UTRN: variants seen among roughly 807,000 people sequenced by gnomAD.
UTRN encodes dystrophin-related protein 1.
UTRN carries 283 observed loss-of-function variants against 463.9 expected under a neutral mutation model. That is an observed-to-expected ratio of 0.61 (90% CI 0.55 to 0.67). The LOEUF is 0.67. Among genes scored for constraint, UTRN ranks in the 30% least tolerant of loss-of-function variants. The pLI, the probability that UTRN is intolerant of heterozygous loss-of-function variation, is 0.00. For synonymous variants in UTRN, 1,442 were observed against 1,431.5 expected, an observed-to-expected ratio of 1.01 and a Z score of -0.17; for missense variants, 3,922 against 4,084.3, an observed-to-expected ratio of 0.96 and a Z score of 1.08.
chr6:144,832,280 A>G (rs941636966), intron 69 of UTRN, among the ~76,000 whole-genome samples: 10 of 152,214 alleles, frequency 6.6e-5, no homozygotes, highest in African/African-American at 2.4e-4. Context: ...CTAAAATTGT[A>G]TGTTTTATAT....
chr6:144,402,647 C>T (rs1783027931), intron 2 of UTRN, among the ~76,000 whole-genome samples: 1 of 152,166 alleles, frequency 6.6e-6, no homozygotes, highest in African/African-American at 2.4e-5. Context: ...AAACCTTATA[C>T]TGTCATTCTA....
chr6:144,641,748 T>TA (rs1585735314), intron 51 of UTRN, among the ~76,000 whole-genome samples: 1 of 152,188 alleles, frequency 6.6e-6, no homozygotes, highest in South Asian at 2.1e-4. Context: ...GAGTTTCTCT[T>TA]ACGTTTTTAG....
intron 66 of UTRN, among the ~76,000 whole-genome samples, chr6:144,822,686 G>A (rs1023580368): frequency 6.6e-6 from 1 of 152,034 alleles, no homozygotes; most frequent in South Asian, 2.1e-4. Context: ...TCCTTCAAAA[G>A]GTTGTGTGAT....
chr6:144,469,243 C>G (rs1459968865), intron 23 of UTRN, among the ~76,000 whole-genome samples: 1 of 152,222 alleles, frequency 6.6e-6, no homozygotes, highest in African/African-American at 2.4e-5. Context: ...CCTGGCTGTT[C>G]ATTCCTGTGG....
chr6:144,638,348 GA>G (rs1162471095), intron 51 of UTRN, among the ~76,000 whole-genome samples: 1 of 152,146 alleles, frequency 6.6e-6, no homozygotes. Context: ...TATTTAAATA[GA>G]AAAAATAGTT....
At chr6:144,523,313 A>T in intron 41 of UTRN, 125 bp downstream of exon 41, 1 of 781,650 alleles carries the variant, frequency 1.3e-6, no homozygotes, top group East Asian at 3.4e-5. Context: ...ATGCCCTATT[A>T]TTTTTTTTTC....
intron 13 of UTRN, 41 bp from the exon 14 acceptor site, chr6:144,444,240 T>C: frequency 6.6e-7 from 1 of 1,511,052 alleles, no homozygotes; most frequent in Non-Finnish European, 9.1e-7. Context: ...TAACTCTCTC[T>C]TAAGGCTGTG....
At chr6:144,399,295 T>A (rs1782727626) in intron 2 of UTRN, among the ~76,000 whole-genome samples, 1 of 152,174 alleles carries the variant, frequency 6.6e-6, no homozygotes, top group Non-Finnish European at 1.5e-5. Context: ...CAAGAGAGCA[T>A]AATGGCATAA....
chr6:144,438,432 G>T (rs1472173316), intron 11 of UTRN, among the ~76,000 whole-genome samples: 2 of 152,108 alleles, frequency 1.3e-5, no homozygotes, highest in Non-Finnish European at 2.9e-5. Flanking sequence ...CATGTATTGT[G>T]TCTTAAGGAG....
At chr6:144,570,011 A>T (rs568570255) in intron 50 of UTRN, among the ~76,000 whole-genome samples, 7 of 152,286 alleles carry the variant, frequency 4.6e-5, no homozygotes, top group African/African-American at 1.7e-4. Context: ...TCTAGTGGAG[A>T]CCCGTGTTGA....
chr6:144,642,136 G>A (rs908345699), intron 51 of UTRN, among the ~76,000 whole-genome samples: 2 of 152,160 alleles, frequency 1.3e-5, no homozygotes, highest in African/African-American at 2.4e-5. Context: ...CAAAAGCGTG[G>A]TCTGAACTTC....
chr6:144,303,455 T>G (rs1410274406), intron 2 of UTRN, among the ~76,000 whole-genome samples: 1 of 152,232 alleles, frequency 6.6e-6, no homozygotes. Context: ...TTCAACACTT[T>G]CGGTTATTAG....
At chr6:144,614,479 T>G (rs1266851395) in intron 51 of UTRN, among the ~76,000 whole-genome samples, 1 of 152,148 alleles carries the variant, frequency 6.6e-6, no homozygotes, top group Non-Finnish European at 1.5e-5. Context: ...TCAGCTCATC[T>G]TCCTAATTAA....
intron 35 of UTRN, among the ~76,000 whole-genome samples, chr6:144,513,415 T>C (rs1795345357): frequency 6.6e-6 from 1 of 151,994 alleles, no homozygotes; most frequent in Admixed American, 6.6e-5. Flanking sequence ...CTGGGTATGG[T>C]GGTGCAAGCC....
At chr6:144,665,739 G>GT (rs1406181536) in intron 51 of UTRN, among the ~76,000 whole-genome samples, 2 of 152,166 alleles carry the variant, frequency 1.3e-5, no homozygotes, top group African/African-American at 4.8e-5. Context: ...TGTTCTGAGG[G>GT]TTTGCATCTT....
intron 53 of UTRN, among the ~76,000 whole-genome samples, chr6:144,723,244 C>T (rs1787409230): frequency 6.6e-6 from 1 of 152,096 alleles, no homozygotes; most frequent in Non-Finnish European, 1.5e-5. Flanking sequence ...AGTTTTACAT[C>T]AAAAAATTAC....
chr6:144,419,125 A>G (rs1758109947), intron 3 of UTRN, among the ~76,000 whole-genome samples: 1 of 152,228 alleles, frequency 6.6e-6, no homozygotes, highest in South Asian at 2.1e-4. Flanking sequence ...AGACGTAGGC[A>G]GGTGACGAAG....
chr6:144,678,127 T>C (rs1781834219), intron 51 of UTRN, among the ~76,000 whole-genome samples: 1 of 152,100 alleles, frequency 6.6e-6, no homozygotes, highest in Non-Finnish European at 1.5e-5. Flanking sequence ...CAAGCTACCA[T>C]TGACTTTCTT....
In UTRN at chr6:144,839,156, T is replaced by C; in HGVS notation, c.10066-17T>C. On this transcript the variant is annotated splice_polypyrimidine_tract_variant and intron_variant, in intron 71 of 74. Transcript: ENST00000367545. ...TTTGAATCCTTTCTCTGCTTTAACC[T>C]CTGAATGTGGTTCCAGCCTGAATCT... The C allele has an allele frequency of 1.3e-6, 2 of 1,595,974 alleles. No homozygotes were observed. Among genetic ancestry groups the C allele is most frequent in the Non-Finnish European group, 1.7e-6 (2 of 1,163,828 alleles).
Sources: allele counts gnomAD v4.1 joint callset (sites outside exome capture counted in the v4.1 genomes callset), GRCh38; gene constraint gnomAD v4.1.1; transcripts MANE v1.5; gene names NCBI Gene and HGNC (gene_info 2026-07-23, HGNC 2026-07-21).